Variants in FBXO34 observed in about 807,000 individuals in gnomAD.
FBXO34 encodes the protein F-box protein 34, also known as F-box only protein 34.
In FBXO34, 12 loss-of-function variants were observed where a neutral mutation model predicts 24.5. The observed-to-expected ratio is 0.49, with a 90% CI of 0.31 to 0.79. FBXO34 has a LOEUF of 0.79. Among genes scored for constraint, FBXO34 ranks in the 30% least tolerant of loss-of-function variants. FBXO34 has a pLI of 0.04. For missense variants in FBXO34, 823 were observed against 857.7 expected (o/e 0.96, Z 0.51); for synonymous variants, 320 against 311.9 (o/e 1.03, Z -0.27).
intron 1 of FBXO34, among the ~76,000 whole-genome samples, chr14:55,286,906 C>CTTTTTTTTTTTTT (rs34073592): frequency 8.0e-6 from 1 of 125,420 alleles, no homozygotes; most frequent in Non-Finnish European, 1.7e-5. Context: ...GTTTCATTTA[C>CTTTTTTTTTTTTT]TTTTTTTTTT....
intron 1 of FBXO34, among the ~76,000 whole-genome samples, chr14:55,272,635 A>G (rs898521252): frequency 3.4e-5 from 5 of 148,662 alleles, no homozygotes; most frequent in South Asian, 2.1e-4. Context: ...TTTCTGTTGT[A>G]AAGGGAGGGA....
At chr14:55,442,053 G>A in the FBXO34 span, among the ~76,000 whole-genome samples, 3 of 150,854 alleles carry the variant, frequency 2.0e-5, no homozygotes, top group Non-Finnish European at 3.0e-5. Context: ...ACGAGCCACC[G>A]TGTCTGGCCT....
intron 1 of FBXO34, among the ~76,000 whole-genome samples, chr14:55,319,769 G>A (rs564660489): frequency 1.2e-4 from 19 of 152,246 alleles, no homozygotes; most frequent in African/African-American, 4.1e-4. Context: ...TCTGCCTCCC[G>A]GGTTTACGCC....
At chr14:55,310,055 A>G (rs1403212230) in intron 1 of FBXO34, among the ~76,000 whole-genome samples, 1 of 152,174 alleles carries the variant, frequency 6.6e-6, no homozygotes, top group Non-Finnish European at 1.5e-5. Context: ...CTCAGGATGG[A>G]AAAAGTAAGC....
chr14:55,369,082 C>G (rs1011641780), downstream of FBXO34: 1 of 152,592 alleles, frequency 6.6e-6, no homozygotes, highest in African/African-American at 2.4e-5. Flanking sequence ...CCCTCCCAAA[C>G]AAAATCAAAG....
At chr14:55,428,119 C>CTTTTTTTTTT in the FBXO34 span, among the ~76,000 whole-genome samples, 966 of 43,370 alleles carry the variant, frequency 0.022, 355 homozygotes, top group Middle Eastern at 0.043. Context: ...CATGCCTTAT[C>CTTTTTTTTTT]TTTTTTTTTT....
the FBXO34 span, among the ~76,000 whole-genome samples, chr14:55,383,695 C>T: frequency 8.6e-5 from 13 of 151,894 alleles, no homozygotes; most frequent in South Asian, 2.5e-3. Flanking sequence ...CTTGAGCTCA[C>T]GAATGGTGCT....
chr14:55,414,046 TTTGTGTTCG>T, the FBXO34 span: 2 of 547,504 alleles, frequency 3.7e-6, no homozygotes, highest in Non-Finnish European at 7.1e-6. Flanking sequence ...CCTCTTTCCC[TTTGTGTTCG>T]TCATTTTGGC....
At chr14:55,300,574 G>A (rs1276793236) in intron 1 of FBXO34, among the ~76,000 whole-genome samples, 2 of 152,160 alleles carry the variant, frequency 1.3e-5, no homozygotes, top group Non-Finnish European at 1.5e-5. Flanking sequence ...CAGCCTGGGC[G>A]ACAGAGCGAG....
At chr14:55,405,898 C>G in the FBXO34 span, among the ~76,000 whole-genome samples, 1,256 of 136,788 alleles carry the variant, frequency 9.2e-3, 21 homozygotes, top group African/African-American at 0.033. Flanking sequence ...GCGGGGGGGG[C>G]AGGGGAAGAA....
chr14:55,395,091 G>A, the FBXO34 span: 13 of 503,416 alleles, frequency 2.6e-5, no homozygotes, highest in South Asian at 1.9e-4. Flanking sequence ...GCACTTTTTT[G>A]TCTGAAGATT....
At chr14:55,354,994 C>T (rs954162317), downstream of FBXO34, 3 of 152,266 alleles carry the variant, frequency 2.0e-5, no homozygotes, top group African/African-American at 7.2e-5. Context: ...GAAAACCTCC[C>T]CCCTCAGCTT....
intron 1 of FBXO34, chr14:55,335,338 A>C (rs1260274983): frequency 4.6e-5 from 7 of 152,192 alleles, no homozygotes; most frequent in Admixed American, 2.0e-4. Flanking sequence ...AGTTGATGGT[A>C]GGTAATGCTT....
intron 1 of FBXO34, among the ~76,000 whole-genome samples, chr14:55,317,939 G>T (rs1882990287): frequency 2.6e-5 from 4 of 152,138 alleles, no homozygotes. Context: ...GTAAGAAAGG[G>T]AATATGGGAA....
At chr14:55,424,098 T>C in the FBXO34 span, 6 of 1,171,704 alleles carry the variant, frequency 5.1e-6, no homozygotes, top group Non-Finnish European at 7.6e-6. Flanking sequence ...TTTAAAAGAA[T>C]AAGCAAAGCA....
At chr14:55,285,908 C>CAAAAT (rs1881746099) in intron 1 of FBXO34, among the ~76,000 whole-genome samples, 1 of 152,178 alleles carries the variant, frequency 6.6e-6, no homozygotes, top group African/African-American at 2.4e-5. Context: ...TGCATAAGTC[C>CAAAAT]CTTAAGGAGT....
chr14:55,290,121 G>A (rs1881893539), intron 1 of FBXO34, among the ~76,000 whole-genome samples: 1 of 151,984 alleles, frequency 6.6e-6, no homozygotes, highest in African/African-American at 2.4e-5. Context: ...GCCGGGCATG[G>A]TGGCTCACGC....
chr14:55,386,211 C>T, the FBXO34 span: 1 of 854,706 alleles, frequency 1.2e-6, no homozygotes. Context: ...GAAAGCAAAA[C>T]CTGAATAATA....
chr14:55,362,206 G>A (rs551213847), downstream of FBXO34, among the ~76,000 whole-genome samples: 97 of 152,310 alleles, frequency 6.4e-4, no homozygotes, highest in South Asian at 4.1e-4. Context: ...AAGGAGGCCC[G>A]AAGAGAGGGA....
Sources: allele counts gnomAD v4.1 joint callset (sites outside exome capture counted in the v4.1 genomes callset), GRCh38; gene constraint gnomAD v4.1.1; transcripts MANE v1.5; gene names NCBI Gene and HGNC (gene_info 2026-07-23, HGNC 2026-07-21).